LRRTM4: variants seen among roughly 807,000 people sequenced by gnomAD.
The protein encoded by LRRTM4 is leucine-rich repeat transmembrane neuronal protein 4.
A neutral mutation model predicts 47.6 loss-of-function variants in LRRTM4; 25 were observed. The observed-to-expected ratio is 0.53, with a 90% CI of 0.38 to 0.73. The LOEUF is 0.73. Among genes scored for constraint, LRRTM4 ranks in the 30% least tolerant of loss-of-function variants. LRRTM4 has a pLI of 0.00. For missense variants in LRRTM4, 638 were observed against 713.4 expected, an observed-to-expected ratio of 0.89 and a Z score of 1.20; for synonymous variants, 311 against 269.5, an observed-to-expected ratio of 1.15 and a Z score of -1.51.
intron 3 of LRRTM4, among the ~76,000 whole-genome samples, chr2:77,108,927 C>T (rs577825458): frequency 6.6e-6 from 1 of 152,092 alleles, no homozygotes; most frequent in South Asian, 2.1e-4. Flanking sequence ...CTAGAAAAGA[C>T]CTAAAGTAAA....
chr2:77,103,566 T>C (rs915616718), intron 3 of LRRTM4, among the ~76,000 whole-genome samples: 4 of 151,616 alleles, frequency 2.6e-5, no homozygotes, highest in Non-Finnish European at 5.9e-5. Flanking sequence ...GAAATAAATT[T>C]GCAATGTGAA....
At chr2:77,239,826 C>T (rs1675208159) in intron 3 of LRRTM4, among the ~76,000 whole-genome samples, 1 of 151,658 alleles carries the variant, frequency 6.6e-6, no homozygotes, top group South Asian at 2.1e-4. Context: ...GTCTTCAGTA[C>T]TTCTATCTAG....
intron 3 of LRRTM4, among the ~76,000 whole-genome samples, chr2:76,936,359 T>C (rs1271123146): frequency 6.6e-6 from 1 of 151,834 alleles, no homozygotes; most frequent in Non-Finnish European, 1.5e-5. Flanking sequence ...ACACCACATG[T>C]TCTCACTCAT....
chr2:76,785,395 G>A (rs1453428041), intron 3 of LRRTM4, among the ~76,000 whole-genome samples: 1 of 152,074 alleles, frequency 6.6e-6, no homozygotes, highest in Non-Finnish European at 1.5e-5. Context: ...TCTTATACAT[G>A]TATTTATTAA....
chr2:77,038,528 T>C (rs1678911335), intron 3 of LRRTM4, among the ~76,000 whole-genome samples: 1 of 151,610 alleles, frequency 6.6e-6, no homozygotes, highest in Admixed American at 6.6e-5. Context: ...TGCCCAATAC[T>C]GACTAGATAC....
intron 3 of LRRTM4, chr2:77,516,677 C>T (rs150872381): frequency 1.1e-5 from 11 of 976,280 alleles, no homozygotes; most frequent in Non-Finnish European, 1.3e-5. Context: ...TATAGAAAAT[C>T]TTTTATTCTT....
chr2:76,787,659 G>GA (rs1281504313), intron 3 of LRRTM4, among the ~76,000 whole-genome samples: 2 of 152,078 alleles, frequency 1.3e-5, no homozygotes, highest in Non-Finnish European at 2.9e-5. Flanking sequence ...TTGTGGTTCA[G>GA]TGGGGAGTTT....
intron 3 of LRRTM4, among the ~76,000 whole-genome samples, chr2:77,342,530 T>C (rs759741265): frequency 4.6e-5 from 7 of 152,014 alleles, no homozygotes; most frequent in Non-Finnish European, 7.4e-5. Context: ...AATTCATAAC[T>C]GTTAGATCTT....
intron 3 of LRRTM4, among the ~76,000 whole-genome samples, chr2:77,456,630 C>T (rs900730508): frequency 7.2e-5 from 11 of 152,024 alleles, no homozygotes; most frequent in Non-Finnish European, 1.6e-4. Context: ...TCTCTCTTGA[C>T]TTTGTGCCTT....
intron 3 of LRRTM4, among the ~76,000 whole-genome samples, chr2:77,111,121 T>C (rs1671235879): frequency 6.6e-6 from 1 of 151,974 alleles, no homozygotes; most frequent in African/African-American, 2.4e-5. Context: ...TTGTTTTGTT[T>C]TGTTTTGAGA....
intron 3 of LRRTM4, among the ~76,000 whole-genome samples, chr2:77,206,372 T>C (rs1005751546): frequency 9.2e-5 from 14 of 151,754 alleles, no homozygotes; most frequent in African/African-American, 3.4e-4. Context: ...GGTAACATGG[T>C]TTCACCATGT....
intron 3 of LRRTM4, among the ~76,000 whole-genome samples, chr2:77,082,608 A>G (rs888433640): frequency 6.6e-6 from 1 of 152,136 alleles, no homozygotes; most frequent in Admixed American, 6.5e-5. Context: ...AGTGAAAAAC[A>G]GTAAAGATAA....
At chr2:77,267,111 G>A (rs1558660850) in intron 3 of LRRTM4, among the ~76,000 whole-genome samples, 1 of 152,106 alleles carries the variant, frequency 6.6e-6, no homozygotes. Flanking sequence ...AAGCTTTTTA[G>A]TGCCTCATTT....
chr2:76,902,352 A>G (rs1014836407), intron 3 of LRRTM4, among the ~76,000 whole-genome samples: 4 of 152,210 alleles, frequency 2.6e-5, no homozygotes, highest in Non-Finnish European at 4.4e-5. Flanking sequence ...ATGATTTAAA[A>G]AAAATAATTA....
chr2:77,115,229 C>G (rs910418471), intron 3 of LRRTM4, among the ~76,000 whole-genome samples: 1 of 152,200 alleles, frequency 6.6e-6, no homozygotes, highest in Admixed American at 6.5e-5. Flanking sequence ...AAATATGGCT[C>G]TATTCTGCTC....
chr2:77,243,350 C>T (rs368103594), intron 3 of LRRTM4, among the ~76,000 whole-genome samples: 44 of 139,272 alleles, frequency 3.2e-4, no homozygotes, highest in East Asian at 1.2e-3. Flanking sequence ...GCGGAGGTTG[C>T]GGTGAGCCGA....
intron 3 of LRRTM4, among the ~76,000 whole-genome samples, chr2:77,211,918 T>C (rs1330148623): frequency 2.0e-5 from 3 of 152,162 alleles, no homozygotes; most frequent in African/African-American, 7.2e-5. Flanking sequence ...ACTATATTCT[T>C]TATTAATTTT....
At chr2:77,239,976 C>T (rs1009608929) in intron 3 of LRRTM4, among the ~76,000 whole-genome samples, 1 of 151,696 alleles carries the variant, frequency 6.6e-6, no homozygotes, top group African/African-American at 2.4e-5. Flanking sequence ...TATCAGAATA[C>T]ACAGTTTTTT....
intron 3 of LRRTM4, among the ~76,000 whole-genome samples, chr2:77,297,043 GC>G (rs1296653481): frequency 6.6e-6 from 1 of 152,130 alleles, no homozygotes; most frequent in Non-Finnish European, 1.5e-5. Context: ...CCTCCAGTAT[GC>G]CGGCATTAGT....
Sources: gnomAD v4.1 joint callset for allele counts (sites outside exome capture counted in the v4.1 genomes callset) on GRCh38, gnomAD v4.1.1 for gene constraint, MANE v1.5 for transcripts, NCBI Gene and HGNC (gene_info 2026-07-23, HGNC 2026-07-21) for gene names.